SERPINE2: variants seen among roughly 807,000 people sequenced by gnomAD.
The protein encoded by SERPINE2 is serpin family E member 2.
SERPINE2 carries 14 observed loss-of-function variants against 36.3 expected under a neutral mutation model. The observed-to-expected ratio is 0.39, with a 90% CI of 0.25 to 0.60. SERPINE2 has a LOEUF of 0.60. SERPINE2 is among the 20% of genes least tolerant of loss of function. The pLI, the probability that SERPINE2 is intolerant of heterozygous loss-of-function variation, is 0.57. For missense variants in SERPINE2, 418 were observed against 499.6 expected, an observed-to-expected ratio of 0.84 and a Z score of 1.56; for synonymous variants, 192 against 191.8, an observed-to-expected ratio of 1.00 and a Z score of -0.01.
At position 224,010,458 on chromosome 2, in the gene SERPINE2, C is replaced by T. The variant is rs756291379; in HGVS notation, c.-22-8536G>A. The T allele has an allele frequency of 1.0e-4, 77 of 742,798 alleles. 1 individual carries two copies. Among genetic ancestry groups the T allele is most frequent in the Admixed American group, 4.4e-4 (7 of 15,976 alleles). The allele number at this position is 742,798 out of a possible 1,614,324, so 46.0% of individuals were successfully genotyped here. On this transcript the variant is annotated intron_variant, in intron 1 of 8. Coordinates refer to ENST00000409304, the MANE Select transcript of SERPINE2 (RefSeq NM_001136528.2). ...CAAGTGCCTTTTATCCATATATTATCCATTCTGAAATCTCTTTGGGTTGAT... is the reference window on the plus strand; with the variant it reads ...CAAGTGCCTTTTATCCATATATTATTCATTCTGAAATCTCTTTGGGTTGAT...
intron 7 of SERPINE2, 130 bp from the exon 8 acceptor site, chr2:223,977,757 A>G: frequency 1.5e-6 from 1 of 667,534 alleles, no homozygotes; most frequent in South Asian, 1.6e-5. Flanking sequence ...CTTGTTCCAT[A>G]GGCTGGCCAT....
chr2:224,037,858 T>C (rs1692582188), intron 1 of SERPINE2, among the ~76,000 whole-genome samples: 1 of 152,230 alleles, frequency 6.6e-6, no homozygotes. Flanking sequence ...CCTTCAGTAA[T>C]TGCCCTGCAT....
At chr2:224,036,142 C>T (rs552031541) in intron 1 of SERPINE2, among the ~76,000 whole-genome samples, 2 of 152,210 alleles carry the variant, frequency 1.3e-5, no homozygotes, top group African/African-American at 2.4e-5. Context: ...GATTGGAACA[C>T]AGGAGCATGC....
At chr2:223,982,137 G>C (rs950468184) in intron 6 of SERPINE2, 1 of 152,346 alleles carries the variant, frequency 6.6e-6, no homozygotes, top group African/African-American at 2.4e-5. Context: ...ATACTACTCA[G>C]TCATAAAAAG....
At chr2:224,036,409 T>G (rs1300428729) in intron 1 of SERPINE2, among the ~76,000 whole-genome samples, 1 of 144,428 alleles carries the variant, frequency 6.9e-6, no homozygotes, top group African/African-American at 2.6e-5. Context: ...CTAGTGGGTA[T>G]CCATAAGATT....
chr2:224,012,090 T>C (rs1691645246), intron 1 of SERPINE2, among the ~76,000 whole-genome samples: 1 of 152,190 alleles, frequency 6.6e-6, no homozygotes, highest in South Asian at 2.1e-4. Context: ...CTGGTCTGCT[T>C]GTTAACTGAC....
intron 1 of SERPINE2, chr2:224,031,336 A>C: frequency 1.0e-6 from 1 of 985,406 alleles, no homozygotes; most frequent in Non-Finnish European, 1.2e-6. Context: ...AGTGGGAATG[A>C]TATCAGCATC....
intron 1 of SERPINE2, among the ~76,000 whole-genome samples, chr2:224,037,336 T>G (rs901247358): frequency 1.5e-4 from 23 of 152,094 alleles, no homozygotes; most frequent in African/African-American, 5.6e-4. Context: ...TCGCTTGCAT[T>G]GAAGATTACA....
intron 1 of SERPINE2, among the ~76,000 whole-genome samples, chr2:224,026,043 AC>A (rs1399401825): frequency 6.6e-6 from 1 of 152,214 alleles, no homozygotes; most frequent in African/African-American, 2.4e-5. Flanking sequence ...GAGAAGTGAC[AC>A]ATTCCACTCC....
intron 8 of SERPINE2, 60 bp from the exon 9 acceptor site, chr2:223,975,964 TGGAA>T: frequency 3.4e-6 from 5 of 1,458,176 alleles, no homozygotes; most frequent in Non-Finnish European, 4.7e-6. Context: ...TAAAATAAGA[TGGAA>T]GGTATTCTAT....
Position 224,022,271 on chromosome 2 carries a change from G to A in SERPINE2, c.-23+16828C>T, listed in dbSNP as rs564782663. Among the ~76,000 whole-genome samples the A allele has an allele frequency of 5.4e-4, 81 of 149,948 alleles. 1 individual carries two copies. The highest frequency in any genetic ancestry group is 2.9e-3 in the Admixed American group (43 of 15,020). On this transcript the variant is annotated intron_variant, in intron 1 of 8. Transcript: ENST00000409304. ...CACTTGAACCCAGGAGGCAGAGGTT[G>A]CAGTGAGCCCAGATCACACCACTGT... is the stretch of plus-strand genomic sequence containing the variant.
intron 7 of SERPINE2, 59 bp downstream of exon 7, chr2:223,980,249 GTAT>G (rs1690173510): frequency 2.2e-6 from 3 of 1,338,042 alleles, no homozygotes; most frequent in Non-Finnish European, 2.2e-6. Context: ...CAACCAATGA[GTAT>G]ACAGGAATGT....
chr2:224,027,686 C>T (rs1692230780), intron 1 of SERPINE2, among the ~76,000 whole-genome samples: 1 of 152,114 alleles, frequency 6.6e-6, no homozygotes, highest in African/African-American at 2.4e-5. Context: ...GATTGCCTCC[C>T]CCTCCCCCAT....
At chr2:224,027,927 A>G (rs979631419) in intron 1 of SERPINE2, among the ~76,000 whole-genome samples, 1 of 152,202 alleles carries the variant, frequency 6.6e-6, no homozygotes, top group Non-Finnish European at 1.5e-5. Flanking sequence ...GGGTGTATAC[A>G]TTAAGAACAA....
chr2:223,977,616 T>A lies in SERPINE2; in HGVS notation c.1084A>T (p.Ile362Phe). 6.2e-7 allele frequency: 1 copy of A among 1,612,218 alleles called. No homozygotes were observed. The highest frequency in any genetic ancestry group is 1.1e-5 in the South Asian group (1 of 91,054). ...AACCAGGGAGGCGATGATCTTGCAA[T>A]GAGAATTGCAGCTACGGGAAGAAAA... ...KASAATTAIL[I>F]ARSSPPWFIV... Residue 362 changes from isoleucine (I) to phenylalanine (F), a missense_variant, in exon 8 of 9, where the codon ATT becomes TTT. Coordinates refer to ENST00000409304, the MANE Select transcript of SERPINE2 (RefSeq NM_001136528.2).
intron 1 of SERPINE2, among the ~76,000 whole-genome samples, chr2:224,029,197 T>C (rs1692280962): frequency 1.3e-5 from 2 of 152,236 alleles, no homozygotes; most frequent in Admixed American, 1.3e-4. Flanking sequence ...AGGATTCTTT[T>C]AGTATACACA....
intron 1 of SERPINE2, 54 bp from the exon 2 acceptor site, chr2:224,001,976 ACTT>A (rs1350178683): frequency 3.5e-6 from 5 of 1,412,634 alleles, no homozygotes; most frequent in Non-Finnish European, 3.7e-6. Flanking sequence ...GTACTTTACT[ACTT>A]TTTTTTTTTT....
At chr2:223,996,740 T>C (rs1051214724) in intron 3 of SERPINE2, among the ~76,000 whole-genome samples, 1 of 152,198 alleles carries the variant, frequency 6.6e-6, no homozygotes, top group Non-Finnish European at 1.5e-5. Context: ...CTAGGTTTTG[T>C]CTTTGGGCTT....
At chr2:224,023,750 A>T (rs1692088389) in intron 1 of SERPINE2, among the ~76,000 whole-genome samples, 1 of 152,258 alleles carries the variant, frequency 6.6e-6, no homozygotes, top group Non-Finnish European at 1.5e-5. Flanking sequence ...AGGTGACTAA[A>T]GGGCTACTTT....
Sources: gnomAD v4.1 joint callset for allele counts (sites outside exome capture counted in the v4.1 genomes callset) on GRCh38, gnomAD v4.1.1 for gene constraint, MANE v1.5 for transcripts, NCBI Gene and HGNC (gene_info 2026-07-23, HGNC 2026-07-21) for gene names.